Variants in GRM3 observed in about 807,000 individuals in gnomAD.
GRM3 encodes the protein glutamate metabotropic receptor 3.
GRM3 carries 26 observed loss-of-function variants against 70.5 expected under a neutral mutation model. That is an observed-to-expected ratio of 0.37 (90% CI 0.27 to 0.51). The LOEUF (loss-of-function observed/expected upper bound fraction) is 0.51, where lower values mean the gene tolerates loss of function less well. Ranked by LOEUF, GRM3 falls within the 20% of genes least tolerant of loss-of-function variation. The pLI is 0.93. For synonymous variants in GRM3, 443 were observed against 434.9 expected, an observed-to-expected ratio of 1.02 and a Z score of -0.23; for missense variants, 859 against 1,123.8, an observed-to-expected ratio of 0.76 and a Z score of 3.37.
intron 2 of GRM3, among the ~76,000 whole-genome samples, chr7:86,774,453 A>C (rs867987265): frequency 2.0e-5 from 3 of 152,130 alleles, no homozygotes; most frequent in Non-Finnish European, 2.9e-5. Flanking sequence ...ATTTTTGACA[A>C]CACCACCTGG....
chr7:86,688,121 C>A (rs1794608708), intron 1 of GRM3, among the ~76,000 whole-genome samples: 2 of 151,390 alleles, frequency 1.3e-5, no homozygotes, highest in African/African-American at 2.4e-5. Context: ...ACATTTTACA[C>A]CTCGAATATA....
At chr7:86,792,917 G>A (rs1460577792) in intron 3 of GRM3, among the ~76,000 whole-genome samples, 4 of 151,808 alleles carry the variant, frequency 2.6e-5, no homozygotes, top group Non-Finnish European at 4.4e-5. Context: ...TGTTACTGAT[G>A]GACTCATCAT....
At chr7:86,741,169 A>G (rs1795982116) in intron 1 of GRM3, among the ~76,000 whole-genome samples, 1 of 152,180 alleles carries the variant, frequency 6.6e-6, no homozygotes, top group African/African-American at 2.4e-5. Flanking sequence ...TTTGACCTCT[A>G]CTAACTCTAA....
intron 1 of GRM3, among the ~76,000 whole-genome samples, chr7:86,681,034 C>T (rs1562823592): frequency 6.6e-6 from 1 of 152,106 alleles, no homozygotes; most frequent in Non-Finnish European, 1.5e-5. Context: ...ACAATTATCA[C>T]AGCATTTCTA....
chr7:86,861,442 GA>G (rs1393133142), intron 5 of GRM3, among the ~76,000 whole-genome samples: 2 of 152,098 alleles, frequency 1.3e-5, no homozygotes, highest in Non-Finnish European at 2.9e-5. Flanking sequence ...TAATAAGCAA[GA>G]AAAAAGGCAG....
At chr7:86,649,031 A>C (rs938244981) in intron 1 of GRM3, among the ~76,000 whole-genome samples, 1 of 152,214 alleles carries the variant, frequency 6.6e-6, no homozygotes, top group Non-Finnish European at 1.5e-5. Flanking sequence ...CTGCTTGTTA[A>C]GCATTCGACG....
chr7:86,836,998 CAA>C lies in GRM3; in HGVS notation c.1325-1839_1325-1838del, dbSNP rs1230436374. Among the ~76,000 whole-genome samples the C allele has an allele frequency of 5.9e-5, 9 of 152,192 alleles. No homozygotes were observed. In the East Asian group the frequency reaches 1.5e-3, roughly 26 times the overall value. On this transcript the variant is annotated intron_variant, in intron 3 of 5. Transcript: ENST00000361669. ...CCAATTCACAACTGGAGTACAGACA[CAA>C]AGAGATATATGTGATGGGTTTGTGA... is the stretch of plus-strand genomic sequence containing the variant.
rs976988840 is a variant in GRM3, at chr7:86,644,406, T to C, written c.-607T>C. ...AAGAGTCCCAATTAGATGCGACGGC[T>C]TCAGCCTGGTCAAGGTGAAGGAAAG... is the stretch of plus-strand genomic sequence containing the variant. On this transcript the variant is annotated 5_prime_UTR_variant, in exon 1 of 6. Transcript: ENST00000361669. 14 of 332,734 alleles carry C rather than the reference T, an allele frequency of 4.2e-5. No homozygotes were observed. Among genetic ancestry groups the C allele is most frequent in the African/African-American group, 2.2e-4 (10 of 45,866 alleles). 20.6% of individuals were successfully genotyped at this position (332,734 alleles called of 1,614,324 possible). A position where few individuals can be genotyped will look rare whatever the true frequency, so the allele number is the denominator to read the frequency against.
chr7:86,857,215 G>A (rs1006508540), intron 5 of GRM3, among the ~76,000 whole-genome samples: 16 of 151,014 alleles, frequency 1.1e-4, no homozygotes, highest in Admixed American at 4.0e-4. Context: ...GTACAGACTC[G>A]TTCATGTAGT....
intron 1 of GRM3, among the ~76,000 whole-genome samples, chr7:86,648,041 G>C (rs1179111568): frequency 6.6e-6 from 1 of 152,132 alleles, no homozygotes; most frequent in Non-Finnish European, 1.5e-5. Flanking sequence ...CCTCTTGTCT[G>C]ATTCAGATTC....
intron 1 of GRM3, among the ~76,000 whole-genome samples, chr7:86,651,768 C>T (rs1793611285): frequency 6.6e-6 from 1 of 152,104 alleles, no homozygotes; most frequent in African/African-American, 2.4e-5. Context: ...TAACAAATCT[C>T]TTCCATAGAT....
Position 86,644,601 on chromosome 7 carries a change from T to C in GRM3, c.-412T>C. 2.4e-6 allele frequency: 1 copy of C among 425,190 alleles called. No homozygotes were observed. The highest frequency in any genetic ancestry group is 4.7e-6 in the Non-Finnish European group (1 of 212,450). The allele number at this position is 425,190 out of a possible 1,614,324, so 26.3% of individuals were successfully genotyped here. On this transcript the variant is annotated 5_prime_UTR_variant, in exon 1 of 6. The change abolishes an upstream ATG in the 5' untranslated region. Transcript: ENST00000361669. Reference sequence around the variant, plus strand: ...TTTTCCCACTCCCCACTGACTCGGATGCCTGGATGTTCTGCCACCGGGCAG... The same window carrying C: ...TTTTCCCACTCCCCACTGACTCGGACGCCTGGATGTTCTGCCACCGGGCAG...
intron 1 of GRM3, among the ~76,000 whole-genome samples, chr7:86,714,766 A>C (rs534809951): frequency 6.6e-6 from 1 of 152,132 alleles, no homozygotes; most frequent in East Asian, 1.9e-4. Context: ...ATTCAGGAAA[A>C]TATTTTTGCT....
chr7:86,688,346 T>C (rs1423412779), intron 1 of GRM3, among the ~76,000 whole-genome samples: 1 of 151,402 alleles, frequency 6.6e-6, no homozygotes, highest in Admixed American at 6.6e-5. Flanking sequence ...AATTATGTGG[T>C]TAAATTAACA....
intron 3 of GRM3, among the ~76,000 whole-genome samples, chr7:86,808,172 T>A (rs938037563): frequency 2.6e-5 from 4 of 152,172 alleles, no homozygotes; most frequent in Admixed American, 6.5e-5. Flanking sequence ...GATTTTCGCA[T>A]CGATGTTCAT....
Position 86,765,124 on chromosome 7 carries a change from C to G in GRM3, c.-22C>G. 6.5e-7 allele frequency: 1 copy of G among 1,545,354 alleles called. No individual in the cohort carries two copies. The highest frequency in any genetic ancestry group is 8.7e-7 in the Non-Finnish European group (1 of 1,151,800). ...CATTGGCTCCACCATTGATATCTCC[C>G]AGAGGTACAGAAACAGGATTCATGA... is the stretch of plus-strand genomic sequence containing the variant. On this transcript the variant is annotated 5_prime_UTR_variant, in exon 2 of 6. Transcript: ENST00000361669.
chr7:86,851,187 G>A (rs765044877), intron 5 of GRM3, among the ~76,000 whole-genome samples: 77 of 152,136 alleles, frequency 5.1e-4, no homozygotes, highest in Middle Eastern at 3.4e-3. Context: ...CTAACATCCC[G>A]TGGAACACAC....
chr7:86,799,223 A>T (rs1797625600), intron 3 of GRM3, among the ~76,000 whole-genome samples: 1 of 152,134 alleles, frequency 6.6e-6, no homozygotes, highest in African/African-American at 2.4e-5. Context: ...GACTTTGCCA[A>T]AGTTGCTTAT....
intron 1 of GRM3, among the ~76,000 whole-genome samples, chr7:86,742,682 G>T (rs2116326624): frequency 6.6e-6 from 1 of 152,134 alleles, no homozygotes; most frequent in Admixed American, 6.6e-5. Flanking sequence ...CCATTGAATG[G>T]TTTCAAGTAA....
Sources: gnomAD v4.1 joint callset for allele counts (sites outside exome capture counted in the v4.1 genomes callset) on GRCh38, gnomAD v4.1.1 for gene constraint, MANE v1.5 for transcripts, NCBI Gene and HGNC (gene_info 2026-07-23, HGNC 2026-07-21) for gene names.